Variants in CACNA2D3 observed in about 807,000 individuals in gnomAD.
The protein encoded by CACNA2D3 is calcium voltage-gated channel auxiliary subunit alpha2delta 3.
CACNA2D3 carries 60 observed loss-of-function variants against 160.6 expected under a neutral mutation model. That is an observed-to-expected ratio of 0.37 (90% CI 0.30 to 0.46). The LOEUF (loss-of-function observed/expected upper bound fraction) is 0.46, where lower values mean the gene tolerates loss of function less well. CACNA2D3 is among the 20% of genes least tolerant of loss of function. The pLI is 1.00. For synonymous variants in CACNA2D3, 558 were observed against 492.9 expected, an observed-to-expected ratio of 1.13 and a Z score of -1.75; for missense variants, 1,205 against 1,365.0, an observed-to-expected ratio of 0.88 and a Z score of 1.85.
At chr3:54,442,098 C>T (rs946022139) in intron 4 of CACNA2D3, among the ~76,000 whole-genome samples, 3 of 152,138 alleles carry the variant, frequency 2.0e-5, no homozygotes, top group South Asian at 4.1e-4. Flanking sequence ...TGTGTACCAC[C>T]GTGTCCAGCT....
At chr3:54,914,264 A>G (rs1355406421) in intron 27 of CACNA2D3, among the ~76,000 whole-genome samples, 1 of 152,162 alleles carries the variant, frequency 6.6e-6, no homozygotes, top group Non-Finnish European at 1.5e-5. Flanking sequence ...AGTAATGGAT[A>G]CCTGGAAAAC....
chr3:54,510,327 C>A (rs1326932996), intron 5 of CACNA2D3, among the ~76,000 whole-genome samples: 12 of 152,084 alleles, frequency 7.9e-5, no homozygotes, highest in Admixed American at 7.9e-4. Context: ...GTAGTGAGGA[C>A]TTTCAGTGCA....
intron 4 of CACNA2D3, among the ~76,000 whole-genome samples, chr3:54,447,700 G>A (rs1436905525): frequency 6.6e-6 from 1 of 152,216 alleles, no homozygotes; most frequent in African/African-American, 2.4e-5. Flanking sequence ...ACAGGCCAGA[G>A]ATCCTGACTT....
intron 27 of CACNA2D3, among the ~76,000 whole-genome samples, chr3:54,926,271 A>C (rs1701014755): frequency 1.3e-5 from 2 of 152,136 alleles, no homozygotes; most frequent in Admixed American, 6.6e-5. Context: ...AATCCTCATA[A>C]CCTTGTAAAT....
chr3:54,730,661 C>T (rs1701367496), intron 11 of CACNA2D3, among the ~76,000 whole-genome samples: 1 of 152,106 alleles, frequency 6.6e-6, no homozygotes, highest in Non-Finnish European at 1.5e-5. Context: ...CACCACCACA[C>T]CTGGCTGATT....
intron 17 of CACNA2D3, among the ~76,000 whole-genome samples, chr3:54,848,585 G>A (rs562391444): frequency 6.6e-6 from 1 of 152,338 alleles, no homozygotes; most frequent in East Asian, 1.9e-4. Context: ...AAGAAGTTTA[G>A]GGTGATACCA....
chr3:54,686,400 G>T (rs1345050041), intron 11 of CACNA2D3, among the ~76,000 whole-genome samples: 2 of 152,164 alleles, frequency 1.3e-5, no homozygotes, highest in Non-Finnish European at 2.9e-5. Flanking sequence ...TTGCAGGAAG[G>T]ATATAAATTT....
chr3:54,308,616 G>T (rs1703660972), intron 2 of CACNA2D3, among the ~76,000 whole-genome samples: 1 of 152,180 alleles, frequency 6.6e-6, no homozygotes, highest in East Asian at 1.9e-4. Flanking sequence ...GAGATATGGG[G>T]GTTATTCTTA....
intron 11 of CACNA2D3, among the ~76,000 whole-genome samples, chr3:54,701,458 T>C (rs547971277): frequency 2.5e-4 from 38 of 152,284 alleles, no homozygotes; most frequent in East Asian, 1.3e-3. Flanking sequence ...GCTTGAAAGA[T>C]GTAAATATGT....
At chr3:54,585,550 A>G (rs919785553) in intron 9 of CACNA2D3, among the ~76,000 whole-genome samples, 3 of 152,214 alleles carry the variant, frequency 2.0e-5, no homozygotes, top group Non-Finnish European at 2.9e-5. Context: ...TGGGTAATTT[A>G]TAAAGAAAAA....
chr3:54,351,838 A>G (rs1376972174), intron 3 of CACNA2D3, among the ~76,000 whole-genome samples: 1 of 152,220 alleles, frequency 6.6e-6, no homozygotes, highest in East Asian at 1.9e-4. Flanking sequence ...CTTATGCAAT[A>G]AAATGCAGAT....
At chr3:54,493,191 C>CCTCA (rs1257872626) in intron 4 of CACNA2D3, among the ~76,000 whole-genome samples, 3 of 150,990 alleles carry the variant, frequency 2.0e-5, no homozygotes, top group Non-Finnish European at 4.4e-5. Context: ...AATTCTCCTG[C>CCTCA]CTCAGCCTCC....
Position 54,968,439 on chromosome 3 carries a change from A to G in CACNA2D3, c.2450-11A>G. On this transcript the variant is annotated splice_polypyrimidine_tract_variant and intron_variant, in intron 27 of 37. Coordinates refer to ENST00000474759, the MANE Select transcript of CACNA2D3 (RefSeq NM_018398.3). ...TCACTAATGCCTTGTTTTATTTATAATTTGTCCCAGCTGTAGGCATTCAGA... is the reference window on the plus strand; with the variant it reads ...TCACTAATGCCTTGTTTTATTTATAGTTTGTCCCAGCTGTAGGCATTCAGA... 6.3e-7 allele frequency: 1 copy of G among 1,593,958 alleles called. No homozygotes were observed. Among genetic ancestry groups the G allele is most frequent in the Non-Finnish European group, 8.6e-7 (1 of 1,165,316 alleles).
At chr3:55,069,513 C>G (rs1704751263) in intron 35 of CACNA2D3, among the ~76,000 whole-genome samples, 1 of 151,722 alleles carries the variant, frequency 6.6e-6, no homozygotes, top group Non-Finnish European at 1.5e-5. Flanking sequence ...ATCAATGGTT[C>G]TTTATTTCAC....
intron 2 of CACNA2D3, among the ~76,000 whole-genome samples, chr3:54,179,263 G>A (rs1454243306): frequency 1.3e-5 from 2 of 152,232 alleles, no homozygotes; most frequent in African/African-American, 4.8e-5. Context: ...TGCATCGTCT[G>A]TCAGTACCTC....
chr3:54,330,801 T>C (rs142263942), intron 3 of CACNA2D3, among the ~76,000 whole-genome samples: 218 of 152,298 alleles, frequency 1.4e-3, no homozygotes, highest in African/African-American at 4.8e-3. Flanking sequence ...GGACTTCCCT[T>C]CAAAGGGCTC....
chr3:54,672,004 C>G (rs1366183940), intron 11 of CACNA2D3, among the ~76,000 whole-genome samples: 2 of 152,176 alleles, frequency 1.3e-5, no homozygotes, highest in Non-Finnish European at 2.9e-5. Flanking sequence ...AAGGGATTCT[C>G]CAGGTGTACT....
At chr3:54,601,952 A>G (rs557343273) in intron 9 of CACNA2D3, among the ~76,000 whole-genome samples, 43 of 152,190 alleles carry the variant, frequency 2.8e-4, no homozygotes, top group African/African-American at 1.0e-3. Context: ...AAGAAAAAAA[A>G]TACTGTTTTC....
intron 27 of CACNA2D3, among the ~76,000 whole-genome samples, chr3:54,932,898 C>T (rs569531106): frequency 5.3e-5 from 8 of 152,154 alleles, no homozygotes; most frequent in East Asian, 1.9e-4. Context: ...GCAGAAATTT[C>T]GTTTGGTTAG....
Sources: allele counts gnomAD v4.1 joint callset (sites outside exome capture counted in the v4.1 genomes callset), GRCh38; gene constraint gnomAD v4.1.1; transcripts MANE v1.5; gene names NCBI Gene and HGNC (gene_info 2026-07-23, HGNC 2026-07-21).